Variants in SPATA16 observed in about 807,000 individuals in gnomAD.
SPATA16 encodes spermatogenesis associated 16, also known as spermatogenesis-associated protein 16.
A neutral mutation model predicts 63.3 loss-of-function variants in SPATA16; 36 were observed. The ratio of observed to expected loss-of-function variants is 0.57; its 90% CI spans 0.44 to 0.75. The LOEUF is 0.75. Among genes scored for constraint, SPATA16 ranks in the 30% least tolerant of loss-of-function variants. The pLI, the probability that SPATA16 is intolerant of heterozygous loss-of-function variation, is 0.00. For missense variants in SPATA16, 646 were observed against 679.3 expected, an observed-to-expected ratio of 0.95 and a Z score of 0.54; for synonymous variants, 203 against 216.7, an observed-to-expected ratio of 0.94 and a Z score of 0.56.
intron 2 of SPATA16, among the ~76,000 whole-genome samples, chr3:173,056,600 A>G (rs990059721): frequency 5.4e-5 from 8 of 148,774 alleles, no homozygotes; most frequent in Middle Eastern, 3.4e-3. Flanking sequence ...ACTACTAGGG[A>G]GGCTGAGGCA....
At chr3:172,931,740 A>C (rs934923899) in intron 6 of SPATA16, among the ~76,000 whole-genome samples, 13 of 152,112 alleles carry the variant, frequency 8.5e-5, no homozygotes, top group Non-Finnish European at 1.6e-4. Flanking sequence ...CTAAACTTAG[A>C]AAAAAAATCA....
At chr3:173,112,320 G>T (rs1410197350) in intron 2 of SPATA16, among the ~76,000 whole-genome samples, 3 of 152,204 alleles carry the variant, frequency 2.0e-5, no homozygotes, top group Non-Finnish European at 4.4e-5. Context: ...AGAGCGTAGT[G>T]CTCCTCAAAC....
At chr3:172,892,189 C>T (rs1055805606) in intron 10 of SPATA16, among the ~76,000 whole-genome samples, 5 of 152,096 alleles carry the variant, frequency 3.3e-5, no homozygotes, top group African/African-American at 1.2e-4. Flanking sequence ...CATTGTTTAG[C>T]TTTGAGAGTG....
intron 3 of SPATA16, among the ~76,000 whole-genome samples, chr3:173,020,246 C>A (rs1042590153): frequency 5.3e-5 from 8 of 151,082 alleles, no homozygotes; most frequent in African/African-American, 1.9e-4. Flanking sequence ...GCAGTGAGAT[C>A]GCGCCACTGC....
intron 2 of SPATA16, among the ~76,000 whole-genome samples, chr3:173,051,628 C>T (rs966328587): frequency 2.0e-5 from 3 of 152,046 alleles, no homozygotes; most frequent in Non-Finnish European, 2.9e-5. Context: ...GGAGCCACGG[C>T]GCTTGGCTCA....
At chr3:173,041,621 C>A (rs571539561) in intron 3 of SPATA16, among the ~76,000 whole-genome samples, 7 of 152,094 alleles carry the variant, frequency 4.6e-5, no homozygotes, top group African/African-American at 1.4e-4. Context: ...TTGTTCATAT[C>A]AAAAAACTGG....
chr3:172,974,906 T>C (rs1193281488), intron 5 of SPATA16, among the ~76,000 whole-genome samples: 1 of 152,140 alleles, frequency 6.6e-6, no homozygotes, highest in African/African-American at 2.4e-5. Context: ...ACCTGACTTC[T>C]AGACAAGAGC....
At chr3:173,091,091 A>G (rs760272228) in intron 2 of SPATA16, among the ~76,000 whole-genome samples, 13 of 152,144 alleles carry the variant, frequency 8.5e-5, no homozygotes, top group Non-Finnish European at 1.9e-4. Context: ...ATATATGTCT[A>G]CCACCATCAC....
chr3:173,056,705 C>CAAAAAAAAA (rs71162325), intron 2 of SPATA16, among the ~76,000 whole-genome samples: 31 of 73,586 alleles, frequency 4.2e-4, no homozygotes, highest in East Asian at 1.4e-3. Context: ...ACTCTTGTTT[C>CAAAAAAAAA]AAAAAAAAAA....
intron 5 of SPATA16, among the ~76,000 whole-genome samples, chr3:172,975,402 G>A (rs1734131727): frequency 6.6e-6 from 1 of 152,068 alleles, no homozygotes; most frequent in Admixed American, 6.6e-5. Flanking sequence ...ATTCGCTGGG[G>A]ACCTAGTATA....
At chr3:172,963,811 G>C (rs2108241434) in intron 5 of SPATA16, among the ~76,000 whole-genome samples, 1 of 152,230 alleles carries the variant, frequency 6.6e-6, no homozygotes, top group South Asian at 2.1e-4. Context: ...AGCTTGATGA[G>C]TACTGGTGAT....
intron 9 of SPATA16, among the ~76,000 whole-genome samples, chr3:172,915,895 A>C (rs1732472842): frequency 6.6e-6 from 1 of 152,198 alleles, no homozygotes; most frequent in African/African-American, 2.4e-5. Context: ...AGTGATTAAG[A>C]AAACTCTAAA....
chr3:172,933,067 G>T (rs375845476), intron 6 of SPATA16, among the ~76,000 whole-genome samples: 153 of 152,216 alleles, frequency 1.0e-3, no homozygotes, highest in Non-Finnish European at 2.0e-3. Flanking sequence ...AGCTGTATTG[G>T]ATCTTTATTC....
chr3:172,913,814 A>G, intron 9 of SPATA16, 70 bp from the exon 10 acceptor site: 1 of 1,342,052 alleles, frequency 7.5e-7, no homozygotes, highest in Non-Finnish European at 1.1e-6. Context: ...TACACAGATT[A>G]AAACCTAATT....
At chr3:173,097,713 A>G (rs899124465) in intron 2 of SPATA16, among the ~76,000 whole-genome samples, 2 of 152,210 alleles carry the variant, frequency 1.3e-5, no homozygotes, top group Non-Finnish European at 2.9e-5. Context: ...ATTCAGGAAT[A>G]TGTTTGAACT....
chr3:172,976,463 C>T (rs1032371019), intron 5 of SPATA16, among the ~76,000 whole-genome samples: 1 of 151,976 alleles, frequency 6.6e-6, no homozygotes, highest in African/African-American at 2.4e-5. Context: ...GCTGATTGAC[C>T]TTTGGTATGA....
chr3:173,002,743 C>G (rs755403995), intron 4 of SPATA16, among the ~76,000 whole-genome samples: 3 of 152,086 alleles, frequency 2.0e-5, no homozygotes, highest in Non-Finnish European at 2.9e-5. Flanking sequence ...GAGTAGCATA[C>G]AGACAAAAGA....
intron 3 of SPATA16, among the ~76,000 whole-genome samples, chr3:173,044,921 C>A (rs531168748): frequency 2.0e-5 from 3 of 152,160 alleles, no homozygotes; most frequent in African/African-American, 7.2e-5. Flanking sequence ...ATGGTCCTTA[C>A]TATTATAGTA....
intron 2 of SPATA16, among the ~76,000 whole-genome samples, chr3:173,105,425 T>C (rs950769534): frequency 3.3e-5 from 5 of 152,248 alleles, no homozygotes; most frequent in African/African-American, 1.2e-4. Flanking sequence ...AGAAACTCTG[T>C]AACTAGCAAT....
Sources: allele counts gnomAD v4.1 joint callset (sites outside exome capture counted in the v4.1 genomes callset), GRCh38; gene constraint gnomAD v4.1.1; transcripts MANE v1.5; gene names NCBI Gene and HGNC (gene_info 2026-07-23, HGNC 2026-07-21).